Variants in NGEF observed in about 807,000 individuals in gnomAD.
NGEF encodes ephexin-1.
Under a neutral mutation model 80.9 loss-of-function variants are expected in NGEF, and 31 were observed. That is an observed-to-expected ratio of 0.38 (90% CI 0.29 to 0.52). The LOEUF (loss-of-function observed/expected upper bound fraction) is 0.52. Among genes scored for constraint, NGEF ranks in the 20% least tolerant of loss-of-function variants. The probability of loss-of-function intolerance (pLI) is 0.84; values close to 1 mark genes in which losing one functional copy is unlikely to be tolerated. For missense variants in NGEF, 709 were observed against 926.2 expected (o/e 0.77, Z 3.04); for synonymous variants, 371 against 370.2 (o/e 1.00, Z -0.03).
chr2:232,916,601 T>A (rs1434590727), intron 5 of NGEF, among the ~76,000 whole-genome samples: 1 of 151,932 alleles, frequency 6.6e-6, no homozygotes, highest in Non-Finnish European at 1.5e-5. Flanking sequence ...GCAATAAACA[T>A]GTGAAAAGAT....
At chr2:232,993,166 T>TA (rs1553559476) in intron 1 of NGEF, among the ~76,000 whole-genome samples, 64 of 93,830 alleles carry the variant, frequency 6.8e-4, no homozygotes, top group African/African-American at 1.8e-3. Context: ...TATATATATA[T>TA]TATATATATA....
At chr2:232,910,463 G>A (rs1470339627) in intron 5 of NGEF, among the ~76,000 whole-genome samples, 1 of 142,688 alleles carries the variant, frequency 7.0e-6, no homozygotes, top group Non-Finnish European at 1.5e-5. Context: ...GGTGGGGGGG[G>A]TAATGGGGGT....
At chr2:232,932,639 C>A (rs528451130) in intron 3 of NGEF, among the ~76,000 whole-genome samples, 172 of 152,184 alleles carry the variant, frequency 1.1e-3, no homozygotes, top group African/African-American at 3.9e-3. Context: ...AGTCTGGGGG[C>A]CTATAAACAA....
At chr2:232,906,138 C>A (rs868704558) in intron 5 of NGEF, among the ~76,000 whole-genome samples, 10 of 84,818 alleles carry the variant, frequency 1.2e-4, no homozygotes, top group African/African-American at 4.2e-4. Context: ...AGCCCCCCGC[C>A]CGGCCACCCG....
chr2:232,966,062 G>C (rs1694053056), intron 3 of NGEF, among the ~76,000 whole-genome samples: 1 of 152,196 alleles, frequency 6.6e-6, no homozygotes, highest in Non-Finnish European at 1.5e-5. Flanking sequence ...CTCTTTCGCT[G>C]GGTATTAAAG....
intron 3 of NGEF, among the ~76,000 whole-genome samples, chr2:232,934,905 G>A (rs1693298369): frequency 6.6e-6 from 1 of 152,040 alleles, no homozygotes; most frequent in South Asian, 2.1e-4. Context: ...CTACTCAGGA[G>A]GCTAAGGAGA....
At chr2:232,923,516 A>G (rs1163637559) in intron 4 of NGEF, among the ~76,000 whole-genome samples, 1 of 152,082 alleles carries the variant, frequency 6.6e-6, no homozygotes, top group Non-Finnish European at 1.5e-5. Flanking sequence ...CAGGCAGATC[A>G]CTTGAGGTCA....
intron 3 of NGEF, among the ~76,000 whole-genome samples, chr2:232,943,776 T>A (rs1210954536): frequency 6.6e-6 from 1 of 151,262 alleles, no homozygotes; most frequent in Non-Finnish European, 1.5e-5. Flanking sequence ...ATTACAGGCG[T>A]GAGCCACTGT....
intron 7 of NGEF, 96 bp from the exon 8 acceptor site, chr2:232,891,583 A>C: frequency 7.3e-7 from 1 of 1,363,102 alleles, no homozygotes; most frequent in Non-Finnish European, 9.9e-7. Flanking sequence ...GATCCAGACG[A>C]CCCACGGGCT....
chr2:233,011,393 C>T (rs781146981), intron 1 of NGEF, among the ~76,000 whole-genome samples: 7 of 152,010 alleles, frequency 4.6e-5, no homozygotes, highest in Admixed American at 2.0e-4. Flanking sequence ...ACGGGATGTC[C>T]GACTTGGTGC....
rs140854295 is a variant in NGEF, at chr2:232,990,146, A to T, written c.-74-15182T>A. 2.5e-3 allele frequency among the ~76,000 whole-genome samples: 387 copies of T among 152,304 alleles called. 3 individuals carry two copies. The highest frequency in any genetic ancestry group is 8.1e-3 in the African/African-American group (337 of 41,572). On this transcript the variant is annotated intron_variant, in intron 1 of 14. Coordinates refer to ENST00000264051, the MANE Select transcript of NGEF (RefSeq NM_019850.3). ...ATAATTTGTAGGTGACATGACTTGT[A>T]TACCTAGAAAACTCCAAAGAACCAA...
chr2:232,886,744 C>A (rs1347929503), intron 9 of NGEF, among the ~76,000 whole-genome samples: 2 of 152,198 alleles, frequency 1.3e-5, no homozygotes, highest in Non-Finnish European at 2.9e-5. Context: ...TCAGGGAGAG[C>A]CTTCTGGGGC....
chr2:232,935,074 T>C (rs1281069269), intron 3 of NGEF, among the ~76,000 whole-genome samples: 1 of 152,158 alleles, frequency 6.6e-6, no homozygotes, highest in Admixed American at 6.5e-5. Flanking sequence ...AAAATAAGTA[T>C]TTAGTTATTT....
intron 5 of NGEF, among the ~76,000 whole-genome samples, chr2:232,918,486 C>T (rs917013252): frequency 7.9e-5 from 12 of 152,110 alleles, no homozygotes; most frequent in African/African-American, 2.9e-4. Context: ...AAATTTGCCA[C>T]TAATTTGGTG....
At chr2:232,964,956 G>A (rs1694026371) in intron 3 of NGEF, among the ~76,000 whole-genome samples, 1 of 152,246 alleles carries the variant, frequency 6.6e-6, no homozygotes, top group Non-Finnish European at 1.5e-5. Context: ...CCAGTTGATG[G>A]TCAAGGAGGT....
intron 1 of NGEF, among the ~76,000 whole-genome samples, chr2:232,979,379 CACACACACACACACACAG>C (rs1257685757): frequency 1.9e-4 from 18 of 93,248 alleles, no homozygotes; most frequent in African/African-American, 6.4e-4. Context: ...CACACACACA[CACACACACACACACACAG>C]GAAGAGATTG....
intron 1 of NGEF, among the ~76,000 whole-genome samples, chr2:232,978,285 G>T (rs1164230001): frequency 1.3e-5 from 2 of 152,180 alleles, no homozygotes; most frequent in African/African-American, 2.4e-5. Flanking sequence ...AGGCTGAGGG[G>T]GGGGATCATT....
At chr2:232,958,683 T>C (rs1219098246) in intron 3 of NGEF, among the ~76,000 whole-genome samples, 14 of 152,204 alleles carry the variant, frequency 9.2e-5, no homozygotes, top group Admixed American at 6.5e-4. Flanking sequence ...AGGGTCTCTA[T>C]ACTCAAGCTC....
chr2:232,946,647 T>G (rs1693566543), intron 3 of NGEF, among the ~76,000 whole-genome samples: 1 of 152,170 alleles, frequency 6.6e-6, no homozygotes, highest in Non-Finnish European at 1.5e-5. Context: ...AACAGCATTC[T>G]CCACTAAATG....
Sources: allele counts gnomAD v4.1 joint callset (sites outside exome capture counted in the v4.1 genomes callset), GRCh38; gene constraint gnomAD v4.1.1; transcripts MANE v1.5; gene names NCBI Gene and HGNC (gene_info 2026-07-23, HGNC 2026-07-21).